The following RYR2 variants were observed in gnomAD, a reference collection of about 807,000 sequenced individuals.
RYR2 encodes the protein ryanodine receptor 2.
A neutral mutation model predicts 601.1 loss-of-function variants in RYR2; 227 were observed. That is an observed-to-expected ratio of 0.38 (90% CI 0.34 to 0.42). The LOEUF is 0.42. Ranked by LOEUF, RYR2 falls within the 10% of genes least tolerant of loss-of-function variation. The pLI is 1.00. For missense variants in RYR2, 4,646 were observed against 6,156.5 expected, an observed-to-expected ratio of 0.75 and a Z score of 8.21; for synonymous variants, 2,223 against 2,175.1, an observed-to-expected ratio of 1.02 and a Z score of -0.61.
chr1:237,314,519 G>T (rs1217899886), intron 2 of RYR2, among the ~76,000 whole-genome samples: 1 of 152,172 alleles, frequency 6.6e-6, no homozygotes, highest in African/African-American at 2.4e-5. Flanking sequence ...AGGTGCTCAG[G>T]TTGCTAATCT....
chr1:237,615,932 C>G (rs1678412642), intron 37 of RYR2, among the ~76,000 whole-genome samples: 1 of 152,130 alleles, frequency 6.6e-6, no homozygotes, highest in Non-Finnish European at 1.5e-5. Flanking sequence ...GAAAAAGGAA[C>G]AAGGCAGGGT....
chr1:237,272,689 G>T (rs915502885), intron 2 of RYR2, among the ~76,000 whole-genome samples: 8 of 150,526 alleles, frequency 5.3e-5, no homozygotes, highest in Admixed American at 1.3e-4. Context: ...GGTAATAAAG[G>T]TCAACTAGTT....
intron 1 of RYR2, among the ~76,000 whole-genome samples, chr1:237,224,265 T>G (rs1000293187): frequency 7.9e-5 from 12 of 152,226 alleles, no homozygotes; most frequent in Non-Finnish European, 1.3e-4. Context: ...GGATGGTATA[T>G]CATGAGTGCA....
chr1:237,825,493 A>G (rs1485976068), intron 101 of RYR2, among the ~76,000 whole-genome samples: 1 of 152,208 alleles, frequency 6.6e-6, no homozygotes, highest in Non-Finnish European at 1.5e-5. Context: ...TCCCTTCATT[A>G]CACCTTATAC....
intron 100 of RYR2, among the ~76,000 whole-genome samples, chr1:237,809,484 T>C (rs1212814204): frequency 6.6e-6 from 1 of 152,236 alleles, no homozygotes; most frequent in African/African-American, 2.4e-5. Context: ...TAAATGTCTT[T>C]TTTGGTCTTG....
intron 1 of RYR2, among the ~76,000 whole-genome samples, chr1:237,157,693 C>G (rs185487689): frequency 6.6e-6 from 1 of 151,940 alleles, no homozygotes; most frequent in Non-Finnish European, 1.5e-5. Context: ...ATTGATCTCA[C>G]GGAGATAGTG....
intron 1 of RYR2, among the ~76,000 whole-genome samples, chr1:237,248,070 G>C (rs1191893171): frequency 1.3e-5 from 2 of 152,066 alleles, no homozygotes; most frequent in African/African-American, 2.4e-5. Context: ...TCAGAAGTTT[G>C]AGCCCAGCCT....
At chr1:237,044,367 C>T (rs1660300834) in intron 1 of RYR2, among the ~76,000 whole-genome samples, 1 of 152,150 alleles carries the variant, frequency 6.6e-6, no homozygotes, top group South Asian at 2.1e-4. Context: ...TTCCTGCGGG[C>T]TTAACTGTTA....
At position 237,727,165 on chromosome 1, in the gene RYR2, T is replaced by C. The variant is rs1216051954; in HGVS notation, c.10804T>C (p.Cys3602Arg). Residue 3602 changes from cysteine to arginine, a missense_variant, in exon 76 of 105, where the codon TGC becomes CGC. Cys to Arg is a radical substitution (Grantham distance 180). Coordinates refer to ENST00000366574, the MANE Select transcript of RYR2 (RefSeq NM_001035.3). ...SKQRKRAVVA[C>R]FRMAPLYNLP... is the part of the protein sequence containing the mutation. ...GCAGAGGAAAAGGGCTGTTGTAGCC[T>C]GCTTCCGGATGGCCCCCTTATATAA... 1 of 1,580,240 alleles carries C rather than the reference T, an allele frequency of 6.3e-7. No homozygotes were observed. Among genetic ancestry groups the C allele is most frequent in the Non-Finnish European group, 8.6e-7 (1 of 1,161,232 alleles).
rs61182572 is a variant in RYR2 at position 237,456,486 on chromosome 1, A to G, written c.1477-114A>G. 13,551 of 1,111,566 alleles carry G rather than the reference A, an allele frequency of 0.012. 1,171 individuals are homozygous for G. In the African/African-American group the frequency reaches 0.19, roughly 15 times the overall value. The allele number at this position is 1,111,566 out of a possible 1,614,324, so 68.9% of individuals were successfully genotyped here. A position where few individuals can be genotyped will look rare whatever the true frequency, so the allele number is the denominator to read the frequency against. On this transcript the variant is annotated intron_variant, in intron 15 of 104. Coordinates refer to ENST00000366574, the MANE Select transcript of RYR2 (RefSeq NM_001035.3). Reference sequence around the variant, plus strand: ...GATCACAGTTTTCTTTATGATTAGTAGATGAACCTTCAGTCAGACTTCTAT... The same window carrying G: ...GATCACAGTTTTCTTTATGATTAGTGGATGAACCTTCAGTCAGACTTCTAT...
At chr1:237,530,371 G>A in intron 24 of RYR2, 56 bp from the exon 25 acceptor site, 1 of 1,352,380 alleles carries the variant, frequency 7.4e-7, no homozygotes, top group Non-Finnish European at 1.0e-6. Flanking sequence ...GCTGTCTTGG[G>A]TTATTCTGGA....
intron 55 of RYR2, 33 bp from the exon 56 acceptor site, chr1:237,660,777 T>G (rs1288693278): frequency 6.6e-7 from 1 of 1,518,520 alleles, no homozygotes; most frequent in African/African-American, 1.4e-5. Context: ...ACATTCATAA[T>G]ATATCTGTTG....
At position 237,349,303 on chromosome 1, in the gene RYR2, A is replaced by T. The variant is rs138068973; in HGVS notation, c.274-6662A>T. On this transcript the variant is annotated intron_variant, in intron 3 of 104. Transcript: ENST00000366574. The stretch of plus-strand genomic sequence containing the variant: ...AGAAGACAAAGGCATGATATCTTTA[A>T]TGTTGTGAGGAAAAATAATCACTAA... Among the ~76,000 whole-genome samples the T allele has an allele frequency of 3.4e-3, 524 of 152,324 alleles. 2 individuals carry two copies. Among genetic ancestry groups the T allele is most frequent in the African/African-American group, 0.012 (496 of 41,588 alleles).
intron 91 of RYR2, 31 bp downstream of exon 91, chr1:237,786,067 G>A (rs371105715): frequency 4.0e-5 from 54 of 1,359,892 alleles, no homozygotes; most frequent in East Asian, 3.6e-4. Flanking sequence ...CTTTTCCTTC[G>A]TTTCAGTTTG....
At chr1:237,736,928 G>T (rs1191701648) in intron 79 of RYR2, among the ~76,000 whole-genome samples, 1 of 152,180 alleles carries the variant, frequency 6.6e-6, no homozygotes, top group Non-Finnish European at 1.5e-5. Flanking sequence ...GAGAACAGTA[G>T]ATCAAAGCAG....
chr1:237,501,051 G>A, intron 21 of RYR2, 148 bp downstream of exon 21: 1 of 747,916 alleles, frequency 1.3e-6, no homozygotes, highest in Non-Finnish European at 2.2e-6. Flanking sequence ...GTGCCTTGAA[G>A]GAGGAGGTAA....
At chr1:237,744,094 A>G (rs1042635918) in intron 80 of RYR2, among the ~76,000 whole-genome samples, 14 of 152,216 alleles carry the variant, frequency 9.2e-5, no homozygotes, top group Non-Finnish European at 1.5e-4. Context: ...TGGAGATTAT[A>G]TTCCATGATT....
At chr1:237,101,256 A>G (rs1668060502) in intron 1 of RYR2, among the ~76,000 whole-genome samples, 1 of 148,456 alleles carries the variant, frequency 6.7e-6, no homozygotes, top group Non-Finnish European at 1.5e-5. Context: ...GGATGCCAAC[A>G]GGGAAATTAC....
At chr1:237,104,035 C>T (rs1668409821) in intron 1 of RYR2, among the ~76,000 whole-genome samples, 1 of 152,064 alleles carries the variant, frequency 6.6e-6, no homozygotes, top group African/African-American at 2.4e-5. Flanking sequence ...TATTTAGTTG[C>T]TTGTGGCCAA....
Sources: gnomAD v4.1 joint callset for allele counts (sites outside exome capture counted in the v4.1 genomes callset) on GRCh38, gnomAD v4.1.1 for gene constraint, MANE v1.5 for transcripts, NCBI Gene and HGNC (gene_info 2026-07-23, HGNC 2026-07-21) for gene names.